Variants in FSTL4 observed in about 807,000 individuals in gnomAD.
The protein encoded by FSTL4 is follistatin-related protein 4.
In FSTL4, 28 loss-of-function variants were observed where a neutral mutation model predicts 78.2. The observed-to-expected ratio is 0.36, with a 90% CI of 0.27 to 0.49. The LOEUF (loss-of-function observed/expected upper bound fraction) is 0.49, where lower values mean the gene tolerates loss of function less well. Ranked by LOEUF, FSTL4 falls within the 20% of genes least tolerant of loss-of-function variation. FSTL4 has a pLI of 0.98. For synonymous variants in FSTL4, 422 were observed against 440.5 expected, an observed-to-expected ratio of 0.96 and a Z score of 0.53; for missense variants, 922 against 1,084.9, an observed-to-expected ratio of 0.85 and a Z score of 2.11.
chr5:133,669,882 T>A, the FSTL4 span, among the ~76,000 whole-genome samples: 1 of 152,176 alleles, frequency 6.6e-6, no homozygotes, highest in Non-Finnish European at 1.5e-5. Flanking sequence ...TGAGCCTCTC[T>A]GCTCTCTAGC....
the FSTL4 span, among the ~76,000 whole-genome samples, chr5:133,787,038 C>A: frequency 6.6e-6 from 1 of 152,176 alleles, no homozygotes; most frequent in Non-Finnish European, 1.5e-5. Flanking sequence ...ACCCCTGCAC[C>A]ACCCTGTACT....
Position 133,272,538 on chromosome 5 carries a change from G to A in FSTL4, c.728-22962C>T, listed in dbSNP as rs143702377. 7.0e-3 allele frequency among the ~76,000 whole-genome samples: 1,069 copies of A among 152,262 alleles called. 7 individuals are homozygous for A. The highest frequency in any genetic ancestry group is 0.024 in the African/African-American group (1,004 of 41,546). Reference sequence around the variant, plus strand: ...GCATTATGTTTAATCATTTAATTTCGCAAGAGTTTTTAGATCTTTTAATCA... The same window carrying A: ...GCATTATGTTTAATCATTTAATTTCACAAGAGTTTTTAGATCTTTTAATCA... On this transcript the variant is annotated intron_variant, in intron 6 of 15. Coordinates refer to ENST00000265342, the MANE Select transcript of FSTL4 (RefSeq NM_015082.2).
chr5:133,815,199 A>G, the FSTL4 span, among the ~76,000 whole-genome samples: 4 of 152,256 alleles, frequency 2.6e-5, no homozygotes, highest in African/African-American at 9.6e-5. Flanking sequence ...TCAACATGGC[A>G]AAAGAGTGAG....
In FSTL4 at chr5:133,468,163, C is replaced by T. The variant is rs1368537332; in HGVS notation, c.161-67177G>A. On this transcript the variant is annotated intron_variant, in intron 3 of 15. Transcript: ENST00000265342. ...AAAATAAGAGATAGTTACTTCCCAC[C>T]ATGGGGAAGGCTGGGGGAGGCAGGC... is the stretch of plus-strand genomic sequence containing the variant. Among the ~76,000 whole-genome samples the T allele has an allele frequency of 2.0e-5, 3 of 151,944 alleles. No individual in the cohort carries two copies. The East Asian group carries it at 5.8e-4, about 29-fold the overall frequency.
the FSTL4 span, among the ~76,000 whole-genome samples, chr5:133,800,680 C>G: frequency 7.3e-6 from 1 of 137,562 alleles, no homozygotes; most frequent in South Asian, 2.4e-4. Flanking sequence ...CTTTTAATGG[C>G]TTTTGAAATA....
At chr5:133,775,946 T>C in the FSTL4 span, among the ~76,000 whole-genome samples, 1 of 152,182 alleles carries the variant, frequency 6.6e-6, no homozygotes, top group Non-Finnish European at 1.5e-5. Context: ...CACTACCTTA[T>C]ATGAAGGACA....
chr5:133,683,568 A>G, the FSTL4 span, among the ~76,000 whole-genome samples: 1 of 152,236 alleles, frequency 6.6e-6, no homozygotes, highest in East Asian at 1.9e-4. Context: ...CCATGCATCA[A>G]GATCCGATTT....
the FSTL4 span, among the ~76,000 whole-genome samples, chr5:133,631,787 G>A: frequency 7.2e-5 from 11 of 152,274 alleles, no homozygotes; most frequent in Admixed American, 5.2e-4. Flanking sequence ...ATAAAATGTG[G>A]CACCTATACA....
intron 4 of FSTL4, among the ~76,000 whole-genome samples, chr5:133,319,201 C>T (rs1473674957): frequency 6.6e-6 from 1 of 152,216 alleles, no homozygotes; most frequent in Non-Finnish European, 1.5e-5. Flanking sequence ...CAACAGACAC[C>T]TTCTGGTCAG....
In FSTL4 at chr5:133,198,956, T is replaced by C. The variant is rs1750225750; in HGVS notation, c.*139A>G. ...CAGCGCATACCTTATACTAGGAAAC[T>C]TGCAAGGAGACCAGTGTTGAACCAC... On this transcript the variant is annotated 3_prime_UTR_variant, in exon 16 of 16. Transcript: ENST00000265342. 5.4e-6 allele frequency: 3 copies of C among 553,716 alleles called. No homozygotes were observed. The highest frequency in any genetic ancestry group is 1.9e-5 in the African/African-American group (1 of 53,544). The allele number at this position is 553,716 out of a possible 1,614,324, so 34.3% of individuals were successfully genotyped here.
Position 133,471,503 on chromosome 5 carries a change from C to T in FSTL4, c.161-70517G>A, listed in dbSNP as rs146117995. Among the ~76,000 whole-genome samples the T allele has an allele frequency of 1.8e-3, 281 of 152,254 alleles. 2 individuals carry two copies. The highest frequency in any genetic ancestry group is 6.4e-3 in the African/African-American group (265 of 41,526). On this transcript the variant is annotated intron_variant, in intron 3 of 15. Coordinates refer to ENST00000265342, the MANE Select transcript of FSTL4 (RefSeq NM_015082.2). ...ATTGGTGCCCTCATAAAAGAGACCCCAGAGAGGCCTCTGCCCCTTCTGCCA... is the reference window on the plus strand; with the variant it reads ...ATTGGTGCCCTCATAAAAGAGACCCTAGAGAGGCCTCTGCCCCTTCTGCCA...
chr5:133,435,948 C>T (rs764597923), intron 3 of FSTL4, among the ~76,000 whole-genome samples: 1 of 152,064 alleles, frequency 6.6e-6, no homozygotes, highest in African/African-American at 2.4e-5. Flanking sequence ...CTTTAATCTC[C>T]TTATGCCATT....
At chr5:133,303,322 C>T (rs1753589927) in intron 6 of FSTL4, among the ~76,000 whole-genome samples, 1 of 152,204 alleles carries the variant, frequency 6.6e-6, no homozygotes, top group Non-Finnish European at 1.5e-5. Context: ...ATTGCTGATG[C>T]TGAGAAAATC....
chr5:133,450,423 C>T (rs1757358063), intron 3 of FSTL4, among the ~76,000 whole-genome samples: 2 of 152,246 alleles, frequency 1.3e-5, no homozygotes, highest in South Asian at 4.1e-4. Context: ...TCCGGCCCTG[C>T]TGCTTCCTTT....
chr5:133,223,171 T>C (rs1751206867), intron 11 of FSTL4, among the ~76,000 whole-genome samples: 1 of 152,234 alleles, frequency 6.6e-6, no homozygotes, highest in Admixed American at 6.5e-5. Context: ...TAGATGCTGC[T>C]AGTTCAGCAG....
Position 133,575,363 on chromosome 5 carries a change from A to G in FSTL4, c.127-8144T>C, listed in dbSNP as rs1760255324. The G allele has an allele frequency of 2.6e-5, 4 of 152,234 alleles. No homozygotes were observed. In the South Asian group the frequency reaches 8.3e-4, roughly 31 times the overall value. The allele number at this position is 152,234 out of a possible 1,614,324, so 9.4% of individuals were successfully genotyped here. ...TCTGTCACCTTTGTTGAATTATTTA[A>G]CATTTCCTTAGTCTCTGTTTGTTGA... On this transcript the variant is annotated intron_variant, in intron 2 of 15. Transcript: ENST00000265342.
At chr5:133,692,579 G>C in the FSTL4 span, among the ~76,000 whole-genome samples, 1 of 152,226 alleles carries the variant, frequency 6.6e-6, no homozygotes, top group Non-Finnish European at 1.5e-5. Flanking sequence ...CCCTTGAATA[G>C]AGTGTTGGTG....
At chr5:133,458,344 G>A (rs955202492) in intron 3 of FSTL4, 1 of 152,220 alleles carries the variant, frequency 6.6e-6, no homozygotes, top group African/African-American at 2.4e-5. Flanking sequence ...AAATGGTAAT[G>A]GCAGCCTTGA....
chr5:133,517,643 G>A (rs1207973292), intron 3 of FSTL4, among the ~76,000 whole-genome samples: 3 of 150,358 alleles, frequency 2.0e-5, no homozygotes, highest in African/African-American at 7.3e-5. Flanking sequence ...TAGGGTGATT[G>A]AGAGAGAGGG....
Sources: gnomAD v4.1 joint callset for allele counts (sites outside exome capture counted in the v4.1 genomes callset) on GRCh38, gnomAD v4.1.1 for gene constraint, MANE v1.5 for transcripts, NCBI Gene and HGNC (gene_info 2026-07-23, HGNC 2026-07-21) for gene names.